Variants in SCAI observed in about 807,000 individuals in gnomAD.
SCAI encodes the protein suppressor of cancer cell invasion.
In SCAI, 24 loss-of-function variants were observed where a neutral mutation model predicts 92.2. That is an observed-to-expected ratio of 0.26 (90% CI 0.19 to 0.37). SCAI has a LOEUF of 0.37. Among genes scored for constraint, SCAI ranks in the 10% least tolerant of loss-of-function variants. The probability of loss-of-function intolerance (pLI) is 1.00; values close to 1 mark genes in which losing one functional copy is unlikely to be tolerated. For missense variants in SCAI, 450 were observed against 736.2 expected (o/e 0.61, Z 4.50); for synonymous variants, 261 against 258.6 (o/e 1.01, Z -0.09).
In SCAI at chr9:125,014,326, G is replaced by A. The variant is rs181167865; in HGVS notation, c.861+4473C>T. ...CTCCTTAAGCTGATAAGCAACTTCA[G>A]AAAAGTCTCAGGATACAAAAATCAA... On this transcript the variant is annotated intron_variant, in intron 9 of 17. Coordinates refer to ENST00000336505, the MANE Select transcript of SCAI (RefSeq NM_001144877.3). Among the ~76,000 whole-genome samples the A allele has an allele frequency of 5.2e-3, 792 of 152,310 alleles. 5 individuals carry two copies. The highest frequency in any genetic ancestry group is 0.018 in the African/African-American group (756 of 41,556).
At chr9:125,094,159 C>G (rs1257124751) in intron 2 of SCAI, among the ~76,000 whole-genome samples, 2 of 152,200 alleles carry the variant, frequency 1.3e-5, no homozygotes, top group Non-Finnish European at 2.9e-5. Context: ...AGAATCTTCA[C>G]ATGGTTTCCC....
At chr9:125,014,067 A>G (rs1313467036) in intron 9 of SCAI, among the ~76,000 whole-genome samples, 1 of 152,108 alleles carries the variant, frequency 6.6e-6, no homozygotes, top group Non-Finnish European at 1.5e-5. Context: ...ACCCACAGCC[A>G]ATATCATACT....
chr9:125,014,646 A>G (rs1447120440), intron 9 of SCAI, among the ~76,000 whole-genome samples: 1 of 152,212 alleles, frequency 6.6e-6, no homozygotes, highest in African/African-American at 2.4e-5. Context: ...CCATCAAGCT[A>G]CCAATGACTT....
chr9:125,042,664 C>CACACACACACACACACATAT (rs139156398), intron 3 of SCAI, among the ~76,000 whole-genome samples: 1 of 129,760 alleles, frequency 7.7e-6, no homozygotes, highest in African/African-American at 2.8e-5. Context: ...CACACACACA[C>CACACACACACACACACATAT]ACATATACAA....
At chr9:125,089,107 T>C (rs1834379019) in intron 2 of SCAI, among the ~76,000 whole-genome samples, 1 of 152,222 alleles carries the variant, frequency 6.6e-6, no homozygotes, top group South Asian at 2.1e-4. Context: ...ACTCCCCAAG[T>C]CTTAACTGTA....
intron 2 of SCAI, chr9:125,066,093 A>AT (rs1833863704): frequency 1.4e-6 from 1 of 717,584 alleles, no homozygotes; most frequent in Non-Finnish European, 2.5e-6. Context: ...AAACAAAGAT[A>AT]TAAGCTGTTA....
chr9:125,020,360 T>C (rs953790112), intron 7 of SCAI, among the ~76,000 whole-genome samples: 15 of 152,188 alleles, frequency 9.9e-5, no homozygotes, highest in African/African-American at 3.4e-4. Context: ...ACATAACATT[T>C]CAATTATTTT....
chr9:125,037,034 C>T (rs531260805), intron 3 of SCAI, among the ~76,000 whole-genome samples: 3 of 152,154 alleles, frequency 2.0e-5, no homozygotes, highest in South Asian at 2.1e-4. Context: ...TTTGGGAGGC[C>T]GAGGCAGGCT....
intron 5 of SCAI, among the ~76,000 whole-genome samples, chr9:125,027,255 G>A (rs1832982021): frequency 6.6e-6 from 1 of 152,040 alleles, no homozygotes; most frequent in Admixed American, 6.6e-5. Flanking sequence ...ACAGTCCTTT[G>A]GCCCATTTCT....
At chr9:125,133,220 G>A (rs1312533660) in intron 2 of SCAI, among the ~76,000 whole-genome samples, 1 of 151,832 alleles carries the variant, frequency 6.6e-6, no homozygotes, top group South Asian at 2.1e-4. Context: ...CGAAACCCCA[G>A]CTCTACTAAA....
chr9:125,079,681 G>A (rs1287393632), intron 2 of SCAI, among the ~76,000 whole-genome samples: 1 of 151,902 alleles, frequency 6.6e-6, no homozygotes, highest in Non-Finnish European at 1.5e-5. Context: ...CACAATGACA[G>A]TTATAGAAAT....
intron 3 of SCAI, among the ~76,000 whole-genome samples, chr9:125,053,397 T>C (rs1198567893): frequency 6.6e-6 from 1 of 152,170 alleles, no homozygotes; most frequent in Non-Finnish European, 1.5e-5. Context: ...GGACTATTAT[T>C]CTTGATAGCC....
chr9:125,020,402 T>A (rs1832848333), intron 7 of SCAI, among the ~76,000 whole-genome samples: 1 of 152,186 alleles, frequency 6.6e-6, no homozygotes, highest in Non-Finnish European at 1.5e-5. Context: ...TTTGTTTGCA[T>A]TCCCAGCCAT....
intron 2 of SCAI, among the ~76,000 whole-genome samples, chr9:125,080,422 T>C (rs636033): frequency 0.48 from 72,772 of 152,016 alleles, 18,035 homozygotes; most frequent in East Asian, 0.64. Flanking sequence ...GATCCTACCT[T>C]TCCTTTTCCT....
chr9:125,041,895 T>C (rs1399717809), intron 3 of SCAI, among the ~76,000 whole-genome samples: 3 of 152,162 alleles, frequency 2.0e-5, no homozygotes, highest in Non-Finnish European at 4.4e-5. Context: ...TCATCCTTTT[T>C]CTAATGAGAC....
At chr9:125,103,327 CTAA>C (rs1834716049) in intron 2 of SCAI, among the ~76,000 whole-genome samples, 1 of 152,132 alleles carries the variant, frequency 6.6e-6, no homozygotes, top group African/African-American at 2.4e-5. Flanking sequence ...CAGTCCTCCT[CTAA>C]ATGACTTCCA....
At position 125,105,434 on chromosome 9, in the gene SCAI, C is replaced by T. The variant is rs550628040; in HGVS notation, c.98+37199G>A. 3.9e-5 allele frequency among the ~76,000 whole-genome samples: 6 copies of T among 152,382 alleles called. No individual in the cohort carries two copies. The East Asian group carries it at 7.7e-4, about 20-fold the overall frequency. On this transcript the variant is annotated intron_variant, in intron 2 of 17. Coordinates refer to ENST00000336505, the MANE Select transcript of SCAI (RefSeq NM_001144877.3). ...CTATCTGTATTTTTATGTTACCTATCGCTTCTTGGCCTTTTGGCCAAGATC... is the reference window on the plus strand; with the variant it reads ...CTATCTGTATTTTTATGTTACCTATTGCTTCTTGGCCTTTTGGCCAAGATC...
intron 3 of SCAI, among the ~76,000 whole-genome samples, chr9:125,051,870 A>C (rs1288938948): frequency 1.3e-5 from 2 of 152,152 alleles, no homozygotes; most frequent in Non-Finnish European, 1.5e-5. Flanking sequence ...GGAGTTCAAG[A>C]CCAGCCTGGC....
At position 124,952,821 on chromosome 9, in the gene SCAI, T is replaced by C. The variant is rs778009281; in HGVS notation, c.1807A>G (p.Ile603Val). 8.1e-6 allele frequency: 13 copies of C among 1,612,636 alleles called. No individual in the cohort carries two copies. Among genetic ancestry groups the C allele is most frequent in the Non-Finnish European group, 1.1e-5 (13 of 1,179,496 alleles). ...GGGTTTTTGTTTTAATAGTCATCAA[T>C]GGTATTCTCAAAGAACACGTTTCGA... is the stretch of plus-strand genomic sequence containing the variant. ...DVRNVFFENTIDDY is the reference protein window; with the variant it reads ...DVRNVFFENTVDDY The change falls in exon 18 of 18, where the codon ATT becomes GTT. Residue 603 changes from isoleucine (I) to valine (V), a missense_variant. This residue lies in a region of SCAI where 360 missense variants were observed against 601.8 expected (regional missense o/e 0.60). Coordinates refer to ENST00000336505, the MANE Select transcript of SCAI (RefSeq NM_001144877.3).
Sources: gnomAD v4.1 joint callset for allele counts (sites outside exome capture counted in the v4.1 genomes callset) on GRCh38, gnomAD v4.1.1 for gene constraint, gnomAD v4.1.1 regional missense constraint, MANE v1.5 for transcripts, NCBI Gene and HGNC (gene_info 2026-07-23, HGNC 2026-07-21) for gene names.